Variants in ADTRP observed in about 807,000 individuals in gnomAD.
ADTRP encodes the protein androgen-dependent TFPI-regulating protein.
Under a neutral mutation model 27.0 loss-of-function variants are expected in ADTRP, and 20 were observed. The observed-to-expected ratio is 0.74, with a 90% CI of 0.52 to 1.08. The LOEUF (loss-of-function observed/expected upper bound fraction) is 1.08. Among genes scored for constraint, ADTRP ranks in the 50% least tolerant of loss-of-function variants. The probability of loss-of-function intolerance (pLI) is 0.00; values close to 1 mark genes in which losing one functional copy is unlikely to be tolerated. For synonymous variants in ADTRP, 101 were observed against 105.2 expected (o/e 0.96, Z 0.25); for missense variants, 251 against 275.0 (o/e 0.91, Z 0.62).
chr6:11,765,032 C>T (rs965371461), intron 3 of ADTRP, among the ~76,000 whole-genome samples: 6 of 151,852 alleles, frequency 4.0e-5, no homozygotes, highest in Non-Finnish European at 8.8e-5. Context: ...GTCAGACTTA[C>T]GTAAGGTAGT....
chr6:11,771,047 T>G (rs1180204657), intron 1 of ADTRP, among the ~76,000 whole-genome samples: 1 of 152,220 alleles, frequency 6.6e-6, no homozygotes, highest in Non-Finnish European at 1.5e-5. Flanking sequence ...AGAGTCATCG[T>G]GAGTCAAGCT....
chr6:11,764,060 C>T (rs1763475800), intron 3 of ADTRP, among the ~76,000 whole-genome samples: 1 of 152,192 alleles, frequency 6.6e-6, no homozygotes, highest in Admixed American at 6.5e-5. Flanking sequence ...GACCCTTGCT[C>T]CTTTTCTCTG....
intron 5 of ADTRP, among the ~76,000 whole-genome samples, chr6:11,716,197 A>G (rs558499448): frequency 1.3e-5 from 2 of 152,192 alleles, no homozygotes; most frequent in Non-Finnish European, 2.9e-5. Context: ...GAGGATTCCT[A>G]AAACTTTCTT....
At chr6:11,760,404 C>T (rs1303632579) in intron 3 of ADTRP, among the ~76,000 whole-genome samples, 2 of 152,174 alleles carry the variant, frequency 1.3e-5, no homozygotes, top group Non-Finnish European at 2.9e-5. Flanking sequence ...CTTCTTGAAA[C>T]ATTTTTACAC....
chr6:11,723,334 A>C lies in ADTRP; in HGVS notation c.658+15T>G. On this transcript the variant is annotated intron_variant, in intron 5 of 5. Coordinates refer to ENST00000414691, the MANE Select transcript of ADTRP (RefSeq NM_032744.4). Reference sequence around the variant, plus strand: ...GGAAGAAGCGCATCTGTAGCTAAGAAAGAAATACACTGACCCCATTTCCAG... The same window carrying C: ...GGAAGAAGCGCATCTGTAGCTAAGACAGAAATACACTGACCCCATTTCCAG... 1.2e-6 allele frequency: 2 copies of C among 1,612,950 alleles called. No individual in the cohort carries two copies. The highest frequency in any genetic ancestry group is 1.7e-6 in the Non-Finnish European group (2 of 1,179,654).
At chr6:11,764,785 T>G (rs901536709) in intron 3 of ADTRP, among the ~76,000 whole-genome samples, 8 of 151,886 alleles carry the variant, frequency 5.3e-5, no homozygotes, top group Non-Finnish European at 1.0e-4. Context: ...TTATCTTATT[T>G]TTTCATTTGT....
At chr6:11,730,261 A>G (rs186743264) in intron 4 of ADTRP, among the ~76,000 whole-genome samples, 1 of 152,150 alleles carries the variant, frequency 6.6e-6, no homozygotes, top group Admixed American at 6.5e-5. Flanking sequence ...CAGGTAGGGT[A>G]AGGATTTCTT....
intron 3 of ADTRP, among the ~76,000 whole-genome samples, chr6:11,763,997 G>A (rs909906436): frequency 5.3e-5 from 8 of 152,140 alleles, no homozygotes; most frequent in Admixed American, 3.9e-4. Context: ...TATATGACCT[G>A]GGGTAGCTTC....
At chr6:11,735,950 A>T in intron 3 of ADTRP, 1 of 278,192 alleles carries the variant, frequency 3.6e-6, no homozygotes, top group Non-Finnish European at 6.8e-6. Context: ...CCCTCTCCCT[A>T]CTTTTTTTTG....
intron 5 of ADTRP, among the ~76,000 whole-genome samples, chr6:11,719,490 C>A (rs1761942444): frequency 6.6e-6 from 1 of 152,180 alleles, no homozygotes; most frequent in Non-Finnish European, 1.5e-5. Flanking sequence ...CTAAGGCAGG[C>A]CTGGGAATTA....
intron 4 of ADTRP, among the ~76,000 whole-genome samples, chr6:11,731,831 T>C (rs1448029503): frequency 1.3e-5 from 2 of 152,178 alleles, no homozygotes; most frequent in Non-Finnish European, 2.9e-5. Flanking sequence ...TCTCCACTTA[T>C]TAAGGATAAA....
At chr6:11,716,841 C>T (rs550438319) in intron 5 of ADTRP, among the ~76,000 whole-genome samples, 9 of 150,818 alleles carry the variant, frequency 6.0e-5, no homozygotes, top group South Asian at 2.1e-4. Context: ...CTCAGCCTCC[C>T]GAGTAGCTGG....
chr6:11,771,651 A>G (rs1211151491), intron 1 of ADTRP, among the ~76,000 whole-genome samples: 1 of 152,226 alleles, frequency 6.6e-6, no homozygotes, highest in East Asian at 1.9e-4. Flanking sequence ...GGGCTAATTT[A>G]TATCCCCCAC....
chr6:11,748,577 C>A (rs1178660260), intron 3 of ADTRP, among the ~76,000 whole-genome samples: 1 of 152,302 alleles, frequency 6.6e-6, no homozygotes, highest in East Asian at 1.9e-4. Context: ...AGTAGGGAAA[C>A]AGATACCAAT....
intron 3 of ADTRP, among the ~76,000 whole-genome samples, chr6:11,738,996 C>T (rs1375625315): frequency 6.6e-6 from 1 of 151,768 alleles, no homozygotes; most frequent in African/African-American, 2.4e-5. Flanking sequence ...TATTTCACCT[C>T]ACTTTGACAT....
intron 4 of ADTRP, among the ~76,000 whole-genome samples, chr6:11,724,449 A>G (rs1426036188): frequency 6.6e-6 from 1 of 152,216 alleles, no homozygotes; most frequent in Non-Finnish European, 1.5e-5. Context: ...ATGTGAGGAT[A>G]GGCTGTAAGT....
rs117414832 is a variant in ADTRP at position 11,763,626 on chromosome 6, T to C, written c.390+2648A>G. On this transcript the variant is annotated intron_variant, in intron 3 of 5. Transcript: ENST00000414691. ...TTGTATTCCTTCCTTTGGACTGTCATGGACAGGCACTGGCAAAATGTGGGA... is the reference window on the plus strand; with the variant it reads ...TTGTATTCCTTCCTTTGGACTGTCACGGACAGGCACTGGCAAAATGTGGGA... Among the ~76,000 whole-genome samples, 1,031 of 152,332 alleles carry C rather than the reference T, an allele frequency of 6.8e-3. 26 individuals are homozygous for C. Among genetic ancestry groups the C allele is most frequent in the Admixed American group, 0.045 (689 of 15,300 alleles).
At position 11,717,062 on chromosome 6, in the gene ADTRP, A is replaced by G. The variant is rs894764953; in HGVS notation, c.659-2550T>C. The G allele has an allele frequency of 9.6e-6, 3 of 312,536 alleles. 1 individual carries two copies. Among genetic ancestry groups the G allele is most frequent in the East Asian group, 2.0e-4 (2 of 9,784 alleles). 19.4% of individuals were successfully genotyped at this position (312,536 alleles called of 1,614,324 possible). On this transcript the variant is annotated intron_variant, in intron 5 of 5. Transcript: ENST00000414691. ...TTTCTATAACGCATAGCTGGAAATA[A>G]GGAAACTGTTGACTTAATAATAGAT...
At chr6:11,747,092 C>T (rs905484446) in intron 3 of ADTRP, among the ~76,000 whole-genome samples, 3 of 152,222 alleles carry the variant, frequency 2.0e-5, no homozygotes, top group East Asian at 1.9e-4. Flanking sequence ...CTCCTGAGAA[C>T]GCAAGCCTGG....
Sources: gnomAD v4.1 joint callset for allele counts (sites outside exome capture counted in the v4.1 genomes callset) on GRCh38, gnomAD v4.1.1 for gene constraint, MANE v1.5 for transcripts, NCBI Gene and HGNC (gene_info 2026-07-23, HGNC 2026-07-21) for gene names.